FRY: variants seen among roughly 807,000 people sequenced by gnomAD.
FRY encodes protein furry homolog.
Under a neutral mutation model 348.4 loss-of-function variants are expected in FRY, and 128 were observed. The ratio of observed to expected loss-of-function variants is 0.37; its 90% CI spans 0.32 to 0.43. The LOEUF is 0.43. Ranked by LOEUF, FRY falls within the 20% of genes least tolerant of loss-of-function variation. The pLI is 1.00. For missense variants in FRY, 2,736 were observed against 3,695.2 expected (o/e 0.74, Z 6.73); for synonymous variants, 1,370 against 1,374.7 (o/e 1.00, Z 0.08).
intron 1 of FRY, among the ~76,000 whole-genome samples, chr13:32,067,897 C>T (rs1310521771): frequency 1.3e-5 from 2 of 152,122 alleles, no homozygotes; most frequent in Non-Finnish European, 2.9e-5. Context: ...AGATTAGAAA[C>T]AATTTTATTA....
intron 35 of FRY, among the ~76,000 whole-genome samples, chr13:32,213,122 A>G (rs1219981385): frequency 6.6e-6 from 1 of 152,234 alleles, no homozygotes; most frequent in East Asian, 1.9e-4. Flanking sequence ...AAATTAGTAA[A>G]AAGGATGAGA....
rs1593667013 is a variant in FRY, at chr13:32,147,163, T to G, written c.1180-119T>G. On this transcript the variant is annotated intron_variant, in intron 11 of 60. Coordinates refer to ENST00000542859, the MANE Select transcript of FRY (RefSeq NM_023037.3). ...GTCCCAGGTGATGCAATGTGTCTCA[T>G]AAGTACCCAGCCATCCACCTGGAGC... 4.4e-6 allele frequency: 3 copies of G among 687,040 alleles called. No homozygotes were observed. The East Asian group carries it at 8.4e-5, about 19-fold the overall frequency. The allele number at this position is 687,040 out of a possible 1,614,324, so 42.6% of individuals were successfully genotyped here.
chr13:32,280,412 G>A (rs1888752939), intron 58 of FRY, among the ~76,000 whole-genome samples: 1 of 152,114 alleles, frequency 6.6e-6, no homozygotes, highest in Non-Finnish European at 1.5e-5. Flanking sequence ...TGAATAACCT[G>A]TGCCGTTAGC....
chr13:32,131,915 C>A (rs1879391317), intron 8 of FRY, 75 bp downstream of exon 8: 1 of 1,119,704 alleles, frequency 8.9e-7, no homozygotes, highest in Non-Finnish European at 1.4e-6. Context: ...GAACCTGGAA[C>A]ATGAAAAGCC....
chr13:32,149,663 G>A (rs61946721), intron 13 of FRY, 85 bp from the exon 14 acceptor site: 37,365 of 794,938 alleles, frequency 0.047, 1,007 homozygotes, highest in Middle Eastern at 0.054. Context: ...CCACCTGTTC[G>A]CTTGGTGCAT....
chr13:32,117,928 G>A (rs1878408332), intron 4 of FRY, among the ~76,000 whole-genome samples: 1 of 152,172 alleles, frequency 6.6e-6, no homozygotes, highest in Admixed American at 6.5e-5. Context: ...TTAGCCATGT[G>A]ACTTTGGGCA....
chr13:32,179,535 G>GTA, intron 22 of FRY, 140 bp from the exon 23 acceptor site: 1 of 701,380 alleles, frequency 1.4e-6, no homozygotes, highest in East Asian at 2.6e-5. Context: ...GTGTGTGTGT[G>GTA]TGTGTGTTTC....
intron 58 of FRY, among the ~76,000 whole-genome samples, chr13:32,286,609 G>A (rs925120791): frequency 1.3e-5 from 2 of 151,822 alleles, no homozygotes; most frequent in Non-Finnish European, 2.9e-5. Flanking sequence ...AGCTGGGCAT[G>A]GTGGCGGGTG....
intron 36 of FRY, 31 bp downstream of exon 36, chr13:32,218,862 C>A: frequency 7.8e-7 from 1 of 1,275,956 alleles, no homozygotes; most frequent in Non-Finnish European, 1.1e-6. Flanking sequence ...GGCTTTCAGA[C>A]GGAACGCAAG....
At chr13:32,053,839 C>T (rs531823973) in intron 1 of FRY, among the ~76,000 whole-genome samples, 26 of 152,174 alleles carry the variant, frequency 1.7e-4, no homozygotes, top group African/African-American at 5.1e-4. Context: ...GGCAAAGAGG[C>T]CTTAGTAGTA....
At chr13:32,096,442 G>T (rs1022273524) in intron 2 of FRY, among the ~76,000 whole-genome samples, 2 of 151,736 alleles carry the variant, frequency 1.3e-5, no homozygotes, top group Admixed American at 6.6e-5. Context: ...AACTGCGGGG[G>T]GGGGCTTCAT....
At chr13:32,164,032 T>A (rs749565619) in intron 17 of FRY, among the ~76,000 whole-genome samples, 10 of 152,218 alleles carry the variant, frequency 6.6e-5, no homozygotes, top group Non-Finnish European at 1.2e-4. Flanking sequence ...AGCCAGAGGC[T>A]GTTCTCCTCA....
At position 32,257,076 on chromosome 13, in the gene FRY, A is replaced by C. The variant is rs144858881; in HGVS notation, c.7416+2682A>C. 5.2e-3 allele frequency among the ~76,000 whole-genome samples: 796 copies of C among 152,334 alleles called. 4 individuals carry two copies. The highest frequency in any genetic ancestry group is 0.018 in the African/African-American group (761 of 41,588). ...TGTTTAGACTTAGGTCCCATCCCCA[A>C]GATATCTCATTATGTATATGCAAAT... On this transcript the variant is annotated intron_variant, in intron 51 of 60. Transcript: ENST00000542859.
chr13:32,251,328 A>G (rs1002892138), intron 49 of FRY, among the ~76,000 whole-genome samples: 3 of 152,248 alleles, frequency 2.0e-5, no homozygotes, highest in Admixed American at 6.5e-5. Flanking sequence ...GAAAGATTTA[A>G]TATGGCTTAA....
At chr13:32,262,241 A>C in intron 52 of FRY, 73 bp from the exon 53 acceptor site, 1 of 1,238,200 alleles carries the variant, frequency 8.1e-7, no homozygotes, top group Non-Finnish European at 1.2e-6. Flanking sequence ...TTAACCAACA[A>C]CTAGAGAATA....
chr13:32,179,072 T>G, intron 22 of FRY, 39 bp downstream of exon 22: 1 of 1,537,012 alleles, frequency 6.5e-7, no homozygotes, highest in Admixed American at 1.7e-5. Context: ...TCTGTAAGGT[T>G]TTTTTTTAGC....
chr13:32,255,548 C>A (rs992750027), intron 51 of FRY, among the ~76,000 whole-genome samples: 2 of 152,202 alleles, frequency 1.3e-5, no homozygotes, highest in East Asian at 3.8e-4. Flanking sequence ...TTCACCAATT[C>A]TTTCCCTGGA....
chr13:32,262,765 G>GT (rs1207043554), intron 53 of FRY, among the ~76,000 whole-genome samples: 1 of 152,174 alleles, frequency 6.6e-6, no homozygotes, highest in Non-Finnish European at 1.5e-5. Context: ...AAAACCAGTG[G>GT]TGTATGTCTG....
At chr13:32,188,976 C>T (rs1018093173) in intron 28 of FRY, among the ~76,000 whole-genome samples, 1 of 152,106 alleles carries the variant, frequency 6.6e-6, no homozygotes, top group Non-Finnish European at 1.5e-5. Flanking sequence ...TGTTAATCGT[C>T]AGTCCTCTTT....
Sources: gnomAD v4.1 joint callset for allele counts (sites outside exome capture counted in the v4.1 genomes callset) on GRCh38, gnomAD v4.1.1 for gene constraint, MANE v1.5 for transcripts, NCBI Gene and HGNC (gene_info 2026-07-23, HGNC 2026-07-21) for gene names.